The following RIPK3 variants were observed in gnomAD, a reference collection of about 807,000 sequenced individuals.
RIPK3 encodes receptor-interacting serine/threonine-protein kinase 3.
Under a neutral mutation model 51.6 loss-of-function variants are expected in RIPK3, and 51 were observed. The observed-to-expected ratio is 0.99, with a 90% confidence interval of 0.79 to 1.25. The LOEUF is 1.25. Among genes scored for constraint, RIPK3 ranks in the 50% most tolerant of loss-of-function variants. RIPK3 has a pLI of 0.00. For missense variants in RIPK3, 654 were observed against 650.4 expected, an observed-to-expected ratio of 1.01 and a Z score of -0.06; for synonymous variants, 246 against 257.7, an observed-to-expected ratio of 0.95 and a Z score of 0.44.
In RIPK3 at chr14:24,337,283, A is replaced by C. The variant is rs752685601; in HGVS notation, c.1078T>G (p.Ser360Ala). 4.3e-5 allele frequency: 69 copies of C among 1,613,916 alleles called. 1 individual carries two copies. Among genetic ancestry groups the C allele is most frequent in the Non-Finnish European group, 3.4e-6 (4 of 1,180,032 alleles). ...NKLNLEEPPS[S>A]VPKKCPSLTK... ...AGGCTCGGGCATTTTTTAGGAACAG[A>C]GCTGGGAGGCTCCTCTAGATTCAGT... is the stretch of plus-strand genomic sequence containing the variant. The change falls in exon 8 of 10, where the codon TCT (serine) becomes GCT (alanine). Residue 360 changes from serine (S) to alanine (A), a missense_variant. Transcript: ENST00000216274.
rs773481350 is a variant in RIPK3, at chr14:24,338,249, A to T, written c.664T>A (p.Leu222Met). Residue 222 changes from leucine (L) to methionine (M), a missense_variant and splice_region_variant, in exon 5 of 10, where the codon TTG (leucine) becomes ATG (methionine). Physicochemically the swap from Leu to Met is conservative, Grantham distance 15 (BLOSUM62 2). Coordinates refer to ENST00000216274, the MANE Select transcript of RIPK3 (RefSeq NM_006871.4). ...TCCCAGAATCCTCCTAGAGTCTTAC[A>T]CTCAACTTCTCTTCCAGCAAGCACT... ...WAVLAGREVELPTEPSLVYEA... is the reference protein window; with the variant it reads ...WAVLAGREVEMPTEPSLVYEA... 1 of 1,524,386 alleles carries T rather than the reference A, an allele frequency of 6.6e-7. No homozygotes were observed. Among genetic ancestry groups the T allele is most frequent in the Admixed American group, 2.2e-5 (1 of 46,368 alleles). 94.4% of individuals were successfully genotyped at this position (1,524,386 alleles called of 1,614,324 possible).
At position 24,338,995 on chromosome 14, in the gene RIPK3, A is replaced by G; in HGVS notation, c.471+20T>C. ...TCTGGGGCCTTGTCTTGAGGCTGAG[A>G]GGGGTGTAGACCAGCTGACCTTGAC... On this transcript the variant is annotated intron_variant, in intron 3 of 9. Transcript: ENST00000216274. The G allele has an allele frequency of 1.3e-6, 2 of 1,595,702 alleles. No homozygotes were observed. Among genetic ancestry groups the G allele is most frequent in the Non-Finnish European group, 1.7e-6 (2 of 1,163,282 alleles).
chr14:24,339,314 A>T lies in RIPK3; in HGVS notation c.172T>A (p.Ser58Thr). 1 of 1,611,354 alleles carries T rather than the reference A, an allele frequency of 6.2e-7. No homozygotes were observed. The highest frequency in any genetic ancestry group is 8.5e-7 in the Non-Finnish European group (1 of 1,177,916). Reference sequence around the variant, plus strand: ...CTTGCCATGGCCTTGACCTCCCTGGATATCGCCTTCCTACACTCCAGGAGA... The same window carrying T: ...CTTGCCATGGCCTTGACCTCCCTGGTTATCGCCTTCCTACACTCCAGGAGA... ...AVKIVNSKAI[S>T]REVKAMASLD... The change falls in exon 3 of 10, where the codon TCC becomes ACC. Residue 58 changes from serine (S) to threonine (T), a missense_variant. Coordinates refer to ENST00000216274, the MANE Select transcript of RIPK3 (RefSeq NM_006871.4). This position sits in a 1 kb window ranked among gnomAD's most constrained non-coding sequence, Gnocchi z 4.0.
chr14:24,338,606 A>T, intron 3 of RIPK3, 39 bp from the exon 4 acceptor site: 1 of 1,570,438 alleles, frequency 6.4e-7, no homozygotes, highest in Non-Finnish European at 8.7e-7. Context: ...AGGGAAGACA[A>T]GGGGGCCAGA....
At chr14:24,338,961 T>TA (rs749184319) in intron 3 of RIPK3, 54 bp downstream of exon 3, 5 of 1,452,938 alleles carry the variant, frequency 3.4e-6, no homozygotes, top group Non-Finnish European at 3.9e-6. Flanking sequence ...CGGGCCTGGC[T>TA]GGAGCAGCTC....
Position 24,339,852 on chromosome 14 carries a change from C to A in RIPK3, c.-26G>T. Reference sequence around the variant, plus strand: ...CAGGCTGGAAGGTGCCAGGGGGCCTCTGGAAATTGCGAGCCGTAGGAGATG... The same window carrying A: ...CAGGCTGGAAGGTGCCAGGGGGCCTATGGAAATTGCGAGCCGTAGGAGATG... On this transcript the variant is annotated 5_prime_UTR_variant, in exon 1 of 10. Transcript: ENST00000216274. The surrounding 1 kb of genome is among the most constrained non-coding windows in gnomAD (Gnocchi z 4.0). 6.5e-7 allele frequency: 1 copy of A among 1,547,876 alleles called. No individual in the cohort carries two copies.
At position 24,339,455 on chromosome 14, in the gene RIPK3, A is replaced by T; in HGVS notation, c.161+2T>A. 6.2e-7 allele frequency: 1 copy of T among 1,614,142 alleles called. No homozygotes were observed. The highest frequency in any genetic ancestry group is 8.5e-7 in the Non-Finnish European group (1 of 1,180,022). On this transcript the variant is annotated splice_donor_variant, in intron 2 of 9. Transcript: ENST00000216274. LOFTEE classifies it high-confidence loss of function. This position sits in a 1 kb window ranked among gnomAD's most constrained non-coding sequence, Gnocchi z 4.0. ...CGGCTGGGGTCAACCGGGGTCACTC[A>T]CGAGTTTACGATCTTGACCGCCACA...
intron 9 of RIPK3, chr14:24,336,663 G>A (rs2042138887): frequency 1.5e-6 from 1 of 670,580 alleles, no homozygotes; most frequent in South Asian, 1.9e-5. Context: ...CTGGTGTTGT[G>A]GAAAGTTAGA....
At position 24,339,962 on chromosome 14, in the gene RIPK3, G is replaced by T; in HGVS notation, c.-136C>A. ...GTCAGTCTCTAGACCAAGACGGTGA[G>T]TCTACTTTCCGGGTTGTTACCCTTT... is the stretch of plus-strand genomic sequence containing the variant. On this transcript the variant is annotated 5_prime_UTR_variant, in exon 1 of 10. Transcript: ENST00000216274. The surrounding 1 kb of genome is among the most constrained non-coding windows in gnomAD (Gnocchi z 4.0). 1.1e-6 allele frequency: 1 copy of T among 908,898 alleles called. No individual in the cohort carries two copies. The highest frequency in any genetic ancestry group is 1.6e-6 in the Non-Finnish European group (1 of 624,414). The allele number at this position is 908,898 out of a possible 1,614,324, so 56.3% of individuals were successfully genotyped here.
At position 24,337,760 on chromosome 14, in the gene RIPK3, A is replaced by G. The variant is rs1489235246; in HGVS notation, c.835T>C (p.Cys279Arg). 1 of 1,614,056 alleles carries G rather than the reference A, an allele frequency of 6.2e-7. No homozygotes were observed. Among genetic ancestry groups the G allele is most frequent in the Non-Finnish European group, 8.5e-7 (1 of 1,179,950 alleles). Residue 279 changes from cysteine (C) to arginine (R), a missense_variant and splice_region_variant, in exon 7 of 10, where the codon TGC (cysteine) becomes CGC (arginine). Transcript: ENST00000216274. ...EPKDRPSFQE[C>R]LPKTDEVFQM... Reference sequence around the variant, plus strand: ...AAGACTTCATCAGTTTTTGGTAGGCATTCTAGAGGGACAGCAGAGTGGAGT... The same window carrying G: ...AAGACTTCATCAGTTTTTGGTAGGCGTTCTAGAGGGACAGCAGAGTGGAGT...
chr14:24,339,650 C>T lies in RIPK3; in HGVS notation c.21-53G>A. On this transcript the variant is annotated intron_variant, in intron 1 of 9. Coordinates refer to ENST00000216274, the MANE Select transcript of RIPK3 (RefSeq NM_006871.4). This position sits in a 1 kb window ranked among gnomAD's most constrained non-coding sequence, Gnocchi z 4.0. The stretch of plus-strand genomic sequence containing the variant: ...GGCCGTGCCGTGCCTCAGCGCTGCT[C>T]CCCGCGCCCCTGTGACTCGGCGTTC... 1 of 1,607,678 alleles carries T rather than the reference C, an allele frequency of 6.2e-7. No homozygotes were observed.
In RIPK3 at chr14:24,338,055, G is replaced by A. The variant is rs1020965663; in HGVS notation, c.665-15C>T. ...TTCGGTTGGCACTGGAGTAGGGGAG[G>A]AGGGTGAGAAGAGAAGGCATTCAGG... On this transcript the variant is annotated splice_polypyrimidine_tract_variant and intron_variant, in intron 5 of 9. Coordinates refer to ENST00000216274, the MANE Select transcript of RIPK3 (RefSeq NM_006871.4). The A allele has an allele frequency of 5.6e-6, 9 of 1,614,014 alleles. No homozygotes were observed. The Admixed American group carries it at 6.7e-5, about 12-fold the overall frequency.
rs184653551 is a variant in RIPK3, at chr14:24,339,957, G to T, written c.-131C>A. On this transcript the variant is annotated 5_prime_UTR_variant, in exon 1 of 10. Transcript: ENST00000216274. This position sits in a 1 kb window ranked among gnomAD's most constrained non-coding sequence, Gnocchi z 4.0. The stretch of plus-strand genomic sequence containing the variant: ...CAGGGGTCAGTCTCTAGACCAAGAC[G>T]GTGAGTCTACTTTCCGGGTTGTTAC... 630 of 942,950 alleles carry T rather than the reference G, an allele frequency of 6.7e-4. 2 individuals carry two copies. The African/African-American group carries it at 9.9e-3, about 15-fold the overall frequency. 58.4% of individuals were successfully genotyped at this position (942,950 alleles called of 1,614,324 possible). A position where few individuals can be genotyped will look rare whatever the true frequency, so the allele number is the denominator to read the frequency against.
chr14:24,338,823 C>T, intron 3 of RIPK3, 192 bp downstream of exon 3: 1 of 671,156 alleles, frequency 1.5e-6, no homozygotes, highest in Non-Finnish European at 2.5e-6. Flanking sequence ...TCGTGTGGCT[C>T]AGGGCCTCTA....
At position 24,339,504 on chromosome 14, in the gene RIPK3, C is replaced by G. The variant is rs979804613; in HGVS notation, c.114G>C (p.Ala38=). 4 of 1,614,200 alleles carry G rather than the reference C, an allele frequency of 2.5e-6. No individual in the cohort carries two copies. Among genetic ancestry groups the G allele is most frequent in the Non-Finnish European group, 3.4e-6 (4 of 1,180,022 alleles). Residue 38 remains alanine, a synonymous_variant, in exon 2 of 10, where the codon GCG becomes GCC. Coordinates refer to ENST00000216274, the MANE Select transcript of RIPK3 (RefSeq NM_006871.4). The surrounding 1 kb of genome is among the most constrained non-coding windows in gnomAD (Gnocchi z 4.0). ...CATCGTAGCCCCACTTCCTATGTTG[C>G]GCCCGGAACACTGTGCCGAACCCGC... is the stretch of plus-strand genomic sequence containing the variant. ...GKGGFGTVFR[A]QHRKWGYDVA...
rs1256384944 is a variant in RIPK3, at chr14:24,336,098, T to TA, written c.*76dup. The TA allele has an allele frequency of 6.7e-7, 1 of 1,489,926 alleles. No homozygotes were observed. Among genetic ancestry groups the TA allele is most frequent in the African/African-American group, 1.4e-5 (1 of 71,838 alleles). The allele number at this position is 1,489,926 out of a possible 1,614,324, so 92.3% of individuals were successfully genotyped here. On this transcript the variant is annotated 3_prime_UTR_variant, in exon 10 of 10. Coordinates refer to ENST00000216274, the MANE Select transcript of RIPK3 (RefSeq NM_006871.4). ...AGTTTGTGGGCAGGCCAGACTGCCC[T>TA]AGAAGGAAGTCAGGGGCCTCAAGGG...
chr14:24,336,293 G>T lies in RIPK3; in HGVS notation c.1439C>A (p.Ala480Glu). Residue 480 changes from alanine to glutamate, a missense_variant, in exon 10 of 10, where the codon GCA (alanine) becomes GAA (glutamate). Transcript: ENST00000216274. ...QTTALPTWGL[A>E]PSGKGRGLQH... ...CAAGCCCCTCCCCTTGCCCGAAGGTGCCAAGCCCCATGTGGGCAAGGCAGT... is the reference window on the plus strand; with the variant it reads ...CAAGCCCCTCCCCTTGCCCGAAGGTTCCAAGCCCCATGTGGGCAAGGCAGT... 1 of 1,614,030 alleles carries T rather than the reference G, an allele frequency of 6.2e-7. No individual in the cohort carries two copies. The highest frequency in any genetic ancestry group is 8.5e-7 in the Non-Finnish European group (1 of 1,180,034).
In RIPK3 at chr14:24,336,144, G is replaced by C; in HGVS notation, c.*31C>G. 1 of 1,599,042 alleles carries C rather than the reference G, an allele frequency of 6.3e-7. No individual in the cohort carries two copies. The highest frequency in any genetic ancestry group is 8.5e-7 in the Non-Finnish European group (1 of 1,171,160). Reference sequence around the variant, plus strand: ...AAGGGGTGGCACTCTTCCTTAACTCGTAACTCTTGGAGGCAAGCTTGGAAG... The same window carrying C: ...AAGGGGTGGCACTCTTCCTTAACTCCTAACTCTTGGAGGCAAGCTTGGAAG... On this transcript the variant is annotated 3_prime_UTR_variant, in exon 10 of 10. Transcript: ENST00000216274.
chr14:24,339,863 G>A lies in RIPK3; in HGVS notation c.-37C>T, dbSNP rs758675456. On this transcript the variant is annotated 5_prime_UTR_variant, in exon 1 of 10. Coordinates refer to ENST00000216274, the MANE Select transcript of RIPK3 (RefSeq NM_006871.4). This position sits in a 1 kb window ranked among gnomAD's most constrained non-coding sequence, Gnocchi z 4.0. ...GTGCCAGGGGGCCTCTGGAAATTGC[G>A]AGCCGTAGGAGATGGAGTGACTTCT... 75 of 1,543,780 alleles carry A rather than the reference G, an allele frequency of 4.9e-5. No individual in the cohort carries two copies. Among genetic ancestry groups the A allele is most frequent in the Non-Finnish European group, 6.4e-5 (74 of 1,149,736 alleles).
Sources: gnomAD v4.1 joint callset for allele counts on GRCh38, gnomAD v4.1.1 for gene constraint, Gnocchi (gnomAD v3.1) non-coding constraint, MANE v1.5 for transcripts, NCBI Gene and HGNC (gene_info 2026-07-23, HGNC 2026-07-21) for gene names.